The following TENM2 variants were observed in gnomAD, a reference collection of about 807,000 sequenced individuals.
TENM2 encodes teneurin-2.
A neutral mutation model predicts 245.2 loss-of-function variants in TENM2; 52 were observed. That is an observed-to-expected ratio of 0.21 (90% CI 0.17 to 0.27). The LOEUF (loss-of-function observed/expected upper bound fraction) is 0.27. Among genes scored for constraint, TENM2 ranks in the 10% least tolerant of loss-of-function variants. TENM2 has a pLI of 1.00. For missense variants in TENM2, 3,046 were observed against 3,666.8 expected (o/e 0.83, Z 4.37); for synonymous variants, 1,363 against 1,438.9 (o/e 0.95, Z 1.19).
chr5:168,222,540 T>A (rs1763757425), intron 23 of TENM2, among the ~76,000 whole-genome samples: 1 of 152,168 alleles, frequency 6.6e-6, no homozygotes, highest in Non-Finnish European at 1.5e-5. Context: ...AATGGGCCCC[T>A]TTAAAAGTTG....
chr5:167,293,837 A>C (rs1754795206), intron 1 of TENM2, among the ~76,000 whole-genome samples: 1 of 152,120 alleles, frequency 6.6e-6, no homozygotes, highest in Non-Finnish European at 1.5e-5. Flanking sequence ...GCTACAGAGC[A>C]CTTCATACGG....
chr5:167,241,401 C>CA, the TENM2 span, among the ~76,000 whole-genome samples: 2 of 152,072 alleles, frequency 1.3e-5, no homozygotes, highest in African/African-American at 2.4e-5. Flanking sequence ...AAGATGGAGT[C>CA]AAAATGAAGT....
At chr5:167,004,585 T>G in the TENM2 span, among the ~76,000 whole-genome samples, 1 of 152,244 alleles carries the variant, frequency 6.6e-6, no homozygotes, top group Non-Finnish European at 1.5e-5. Flanking sequence ...TGGCTTTGCT[T>G]TTTAGAATTC....
At chr5:167,392,075 G>A (rs1761791344) in intron 2 of TENM2, among the ~76,000 whole-genome samples, 1 of 152,086 alleles carries the variant, frequency 6.6e-6, no homozygotes, top group Non-Finnish European at 1.5e-5. Context: ...CGGTGTTGGT[G>A]TGGCTTTTAT....
chr5:167,828,813 A>G (rs1259166555), intron 2 of TENM2, among the ~76,000 whole-genome samples: 1 of 152,218 alleles, frequency 6.6e-6, no homozygotes, highest in Non-Finnish European at 1.5e-5. Flanking sequence ...GCCCTTTTAC[A>G]TAGAAGGTTG....
At chr5:168,137,521 C>A (rs1311525561) in intron 12 of TENM2, among the ~76,000 whole-genome samples, 2 of 152,190 alleles carry the variant, frequency 1.3e-5, no homozygotes, top group Non-Finnish European at 2.9e-5. Context: ...ACCGGTCATG[C>A]TATTGCATCT....
Position 168,248,322 on chromosome 5 carries a change from G to A in TENM2, c.7383G>A (p.Lys2461=), listed in dbSNP as rs202024280. 1.0e-3 allele frequency: 1,639 copies of A among 1,614,000 alleles called. 1 individual carries two copies. The highest frequency in any genetic ancestry group is 1.2e-3 in the Non-Finnish European group (1,376 of 1,179,892). Residue 2461 remains lysine (K), a synonymous_variant, in exon 27 of 29, where the codon AAG becomes AAA. Transcript: ENST00000518659. Reference sequence around the variant, plus strand: ...CCCCCTTTAACCTGTATATGTTCAAGAGCAACAATCCTCTCAGCAGTGAGC... The same window carrying A: ...CCCCCTTTAACCTGTATATGTTCAAAAGCAACAATCCTCTCAGCAGTGAGC...
At chr5:167,843,014 T>C (rs1045893703) in intron 2 of TENM2, among the ~76,000 whole-genome samples, 1 of 152,108 alleles carries the variant, frequency 6.6e-6, no homozygotes, top group African/African-American at 2.4e-5. Flanking sequence ...CAACAACACT[T>C]TGATTTTTGA....
the TENM2 span, among the ~76,000 whole-genome samples, chr5:167,222,903 T>C: frequency 6.6e-6 from 1 of 152,200 alleles, no homozygotes; most frequent in Non-Finnish European, 1.5e-5. Flanking sequence ...CCATTTGATG[T>C]CCTTTCTATG....
At chr5:167,641,615 A>T (rs902965345) in intron 2 of TENM2, among the ~76,000 whole-genome samples, 1 of 152,182 alleles carries the variant, frequency 6.6e-6, no homozygotes, top group Non-Finnish European at 1.5e-5. Flanking sequence ...AAGACAGTAA[A>T]AGTTACTGAG....
At chr5:167,493,268 A>T (rs1018955352) in intron 2 of TENM2, among the ~76,000 whole-genome samples, 6 of 151,824 alleles carry the variant, frequency 4.0e-5, no homozygotes, top group African/African-American at 1.5e-4. Flanking sequence ...AGAGAGTAAG[A>T]CCCTGTCTCT....
intron 12 of TENM2, among the ~76,000 whole-genome samples, chr5:168,132,196 T>A (rs946240018): frequency 1.3e-5 from 2 of 152,072 alleles, no homozygotes; most frequent in African/African-American, 4.8e-5. Context: ...TGTTTTCACA[T>A]CACTGCAAAA....
chr5:167,237,654 AT>A, the TENM2 span, among the ~76,000 whole-genome samples: 3 of 152,204 alleles, frequency 2.0e-5, no homozygotes, highest in Admixed American at 1.3e-4. Flanking sequence ...AAGTGTCAGC[AT>A]ACAGAATGAA....
chr5:167,721,040 CACTT>C (rs2150517930), intron 2 of TENM2, among the ~76,000 whole-genome samples: 1 of 152,278 alleles, frequency 6.6e-6, no homozygotes, highest in East Asian at 1.9e-4. Context: ...ATTGCCCAAT[CACTT>C]AATTTTCTAA....
At chr5:167,317,482 T>A (rs1282784479) in intron 1 of TENM2, among the ~76,000 whole-genome samples, 1 of 152,104 alleles carries the variant, frequency 6.6e-6, no homozygotes, top group Non-Finnish European at 1.5e-5. Context: ...TCTCTTGCCA[T>A]CTACCTTTCT....
At chr5:167,587,549 G>C (rs914835786) in intron 2 of TENM2, among the ~76,000 whole-genome samples, 1 of 152,168 alleles carries the variant, frequency 6.6e-6, no homozygotes, top group African/African-American at 2.4e-5. Flanking sequence ...CCTGGAGACA[G>C]CTGTGTCCTG....
chr5:168,149,188 C>T (rs1756411057), intron 12 of TENM2, among the ~76,000 whole-genome samples: 1 of 152,176 alleles, frequency 6.6e-6, no homozygotes, highest in African/African-American at 2.4e-5. Context: ...CTGCCCTGAC[C>T]TTGCAGATAG....
At chr5:167,845,863 A>G (rs1769995062) in intron 2 of TENM2, among the ~76,000 whole-genome samples, 1 of 152,150 alleles carries the variant, frequency 6.6e-6, no homozygotes, top group Non-Finnish European at 1.5e-5. Context: ...AAAGTCAACT[A>G]AACTTGTTAG....
chr5:167,684,736 CT>C (rs1756960932), intron 2 of TENM2, among the ~76,000 whole-genome samples: 1 of 152,180 alleles, frequency 6.6e-6, no homozygotes, highest in African/African-American at 2.4e-5. Flanking sequence ...AATGTTATAA[CT>C]GTCCTAATAA....
Sources: allele counts gnomAD v4.1 joint callset (sites outside exome capture counted in the v4.1 genomes callset), GRCh38; gene constraint gnomAD v4.1.1; transcripts MANE v1.5; gene names NCBI Gene and HGNC (gene_info 2026-07-23, HGNC 2026-07-21).